The following RABGAP1L variants were observed in gnomAD, a reference collection of about 807,000 sequenced individuals.
The protein encoded by RABGAP1L is rab GTPase-activating protein 1-like.
In RABGAP1L, 63 loss-of-function variants were observed where a neutral mutation model predicts 137.7. The observed-to-expected ratio is 0.46, with a 90% CI of 0.37 to 0.56. The LOEUF (loss-of-function observed/expected upper bound fraction) is 0.56. Among genes scored for constraint, RABGAP1L ranks in the 20% least tolerant of loss-of-function variants. RABGAP1L has a pLI of 0.00. For synonymous variants in RABGAP1L, 431 were observed against 433.7 expected, an observed-to-expected ratio of 0.99 and a Z score of 0.08; for missense variants, 1,095 against 1,244.0, an observed-to-expected ratio of 0.88 and a Z score of 1.80.
At chr1:174,637,170 A>T (rs1419864669) in intron 13 of RABGAP1L, among the ~76,000 whole-genome samples, 8 of 152,188 alleles carry the variant, frequency 5.3e-5, no homozygotes, top group African/African-American at 1.9e-4. Flanking sequence ...ACAAATATGT[A>T]TAGATAGATG....
At chr1:174,278,545 G>A in intron 9 of RABGAP1L, 68 bp from the exon 10 acceptor site, 1 of 1,263,134 alleles carries the variant, frequency 7.9e-7, no homozygotes, top group Non-Finnish European at 1.1e-6. Context: ...TCATAAGTGA[G>A]GAAACTTTGT....
At chr1:174,635,072 GA>G (rs908870536) in intron 13 of RABGAP1L, among the ~76,000 whole-genome samples, 9 of 150,342 alleles carry the variant, frequency 6.0e-5, no homozygotes, top group South Asian at 2.1e-4. Flanking sequence ...AATAAAAAAA[GA>G]AAAAAAAGAA....
chr1:174,708,735 A>G lies in RABGAP1L; in HGVS notation c.2169+6479A>G, dbSNP rs575373889. Among the ~76,000 whole-genome samples, 155 of 152,186 alleles carry G rather than the reference A, an allele frequency of 1.0e-3. 1 individual carries two copies. The highest frequency in any genetic ancestry group is 4.3e-3 in the Admixed American group (65 of 15,286). On this transcript the variant is annotated intron_variant, in intron 17 of 25. Transcript: ENST00000681986. ...TGGGCAGTCGTTTGGGCAGACACCA[A>G]GCTAGCTGCAGGAGTTTTTGTTTGT...
intron 19 of RABGAP1L, among the ~76,000 whole-genome samples, chr1:174,821,581 T>C (rs374003759): frequency 4.6e-5 from 7 of 152,256 alleles, no homozygotes; most frequent in Non-Finnish European, 1.0e-4. Flanking sequence ...TGGATTTGAA[T>C]GTTTTTGAAA....
chr1:174,843,242 T>A (rs1404477497), intron 19 of RABGAP1L, among the ~76,000 whole-genome samples: 4 of 144,454 alleles, frequency 2.8e-5, no homozygotes, highest in East Asian at 2.1e-4. Flanking sequence ...TTTTTTTTTT[T>A]ATACTTTAAG....
At chr1:174,843,208 A>T (rs1693618014) in intron 19 of RABGAP1L, among the ~76,000 whole-genome samples, 1 of 151,384 alleles carries the variant, frequency 6.6e-6, no homozygotes, top group Admixed American at 6.6e-5. Flanking sequence ...TTTCCCTAAC[A>T]AGAAAATGTC....
intron 14 of RABGAP1L, among the ~76,000 whole-genome samples, chr1:174,663,192 C>T (rs1234125508): frequency 1.3e-5 from 2 of 152,202 alleles, no homozygotes; most frequent in Non-Finnish European, 2.9e-5. Context: ...AACTTCCAGT[C>T]CTGCCAGCTG....
intron 13 of RABGAP1L, among the ~76,000 whole-genome samples, chr1:174,576,062 G>A (rs1668350603): frequency 1.3e-5 from 2 of 152,248 alleles, no homozygotes; most frequent in South Asian, 4.1e-4. Flanking sequence ...ATTTCTAACA[G>A]AGCCTTAAAA....
intron 11 of RABGAP1L, among the ~76,000 whole-genome samples, chr1:174,353,438 C>T (rs1391183172): frequency 1.3e-5 from 2 of 152,034 alleles, no homozygotes; most frequent in Non-Finnish European, 2.9e-5. Context: ...CCTCATGTCT[C>T]CTTGCTCCAA....
chr1:174,870,922 G>A (rs1460123242), intron 19 of RABGAP1L, among the ~76,000 whole-genome samples: 1 of 151,852 alleles, frequency 6.6e-6, no homozygotes. Flanking sequence ...TATATTTTTA[G>A]TAGAGATGGG....
intron 11 of RABGAP1L, among the ~76,000 whole-genome samples, chr1:174,347,817 A>G (rs766450546): frequency 6.6e-6 from 1 of 152,094 alleles, no homozygotes; most frequent in Admixed American, 6.5e-5. Context: ...TTGTCTAATT[A>G]TAGCTCCTCC....
In RABGAP1L at chr1:174,355,569, T is replaced by A. The variant is rs923168820; in HGVS notation, c.1466-15410T>A. Reference sequence around the variant, plus strand: ...CATGGCACATGTATACATATGTAACTAACCTGCACATTGTGCACATGTACC... The same window carrying A: ...CATGGCACATGTATACATATGTAACAAACCTGCACATTGTGCACATGTACC... On this transcript the variant is annotated intron_variant, in intron 11 of 25. Transcript: ENST00000681986. Among the ~76,000 whole-genome samples, 61 of 151,812 alleles carry A rather than the reference T, an allele frequency of 4.0e-4. 1 individual carries two copies. Among genetic ancestry groups the A allele is most frequent in the African/African-American group, 1.4e-3 (59 of 41,382 alleles).
intron 13 of RABGAP1L, among the ~76,000 whole-genome samples, chr1:174,472,681 C>T (rs191814134): frequency 2.6e-5 from 4 of 152,278 alleles, no homozygotes; most frequent in Non-Finnish European, 1.5e-5. Flanking sequence ...AGAAGCTTGC[C>T]TGAGCCTAGG....
intron 11 of RABGAP1L, among the ~76,000 whole-genome samples, chr1:174,335,823 T>G (rs752631882): frequency 5.9e-5 from 9 of 152,220 alleles, no homozygotes; most frequent in Non-Finnish European, 1.0e-4. Flanking sequence ...TGTATTAATT[T>G]GATTCATGTA....
intron 18 of RABGAP1L, among the ~76,000 whole-genome samples, chr1:174,783,454 C>A (rs762015643): frequency 1.3e-5 from 2 of 152,086 alleles, no homozygotes; most frequent in Non-Finnish European, 2.9e-5. Context: ...GCCCCCGCCG[C>A]CCGTAACAGT....
At chr1:174,367,373 C>G (rs1156672578) in intron 11 of RABGAP1L, 1 of 181,046 alleles carries the variant, frequency 5.5e-6, no homozygotes, top group Non-Finnish European at 1.1e-5. Flanking sequence ...CAGTCAGATT[C>G]CTGCGTTTGT....
At position 174,261,615 on chromosome 1, in the gene RABGAP1L, G is replaced by C. The variant is rs1035734268; in HGVS notation, c.986+9025G>C. Among the ~76,000 whole-genome samples, 3 of 152,168 alleles carry C rather than the reference G, an allele frequency of 2.0e-5. No homozygotes were observed. The East Asian group carries it at 5.8e-4, about 29-fold the overall frequency. The stretch of plus-strand genomic sequence containing the variant: ...ATGAAACAGTTTTTTAGTGTGAGTT[G>C]ACATCACTAAATTTGATGGACAGTA... On this transcript the variant is annotated intron_variant, in intron 7 of 25. Transcript: ENST00000681986.
At chr1:174,517,803 T>C (rs919608184) in intron 13 of RABGAP1L, among the ~76,000 whole-genome samples, 1 of 152,208 alleles carries the variant, frequency 6.6e-6, no homozygotes. Flanking sequence ...ACAGTTGATA[T>C]TGTTTTGGTT....
intron 13 of RABGAP1L, among the ~76,000 whole-genome samples, chr1:174,505,683 C>G (rs955309869): frequency 2.0e-5 from 3 of 152,034 alleles, no homozygotes; most frequent in African/African-American, 7.2e-5. Context: ...AAAGGGAACC[C>G]TTGCACGCTG....
Sources: allele counts gnomAD v4.1 joint callset (sites outside exome capture counted in the v4.1 genomes callset), GRCh38; gene constraint gnomAD v4.1.1; transcripts MANE v1.5; gene names NCBI Gene and HGNC (gene_info 2026-07-23, HGNC 2026-07-21).